DHX30: variants seen among roughly 807,000 people sequenced by gnomAD.
The protein encoded by DHX30 is ATP-dependent RNA helicase DHX30.
Under a neutral mutation model 116.9 loss-of-function variants are expected in DHX30, and 4 were observed. The observed-to-expected ratio is 0.03, with a 90% CI of 0.02 to 0.08. DHX30 has a LOEUF of 0.08. Ranked by LOEUF, DHX30 falls within the 10% of genes least tolerant of loss-of-function variation. The probability of loss-of-function intolerance (pLI) is 1.00; values close to 1 mark genes in which losing one functional copy is unlikely to be tolerated. For synonymous variants in DHX30, 697 were observed against 651.7 expected, an observed-to-expected ratio of 1.07 and a Z score of -1.06; for missense variants, 871 against 1,595.1, an observed-to-expected ratio of 0.55 and a Z score of 7.73.
intron 5 of DHX30, among the ~76,000 whole-genome samples, chr3:47,828,463 CA>C (rs541910100): frequency 0.13 from 6,627 of 52,220 alleles, 150 homozygotes; most frequent in Middle Eastern, 0.15. Flanking sequence ...CTGTCCCCCA[CA>C]AAAAAAAAAA....
At chr3:47,829,314 A>ATTTTTTT (rs10683438) in intron 6 of DHX30, among the ~76,000 whole-genome samples, 180 bp downstream of exon 6, 2 of 34,186 alleles carry the variant, frequency 5.9e-5, no homozygotes, top group African/African-American at 1.1e-4. Flanking sequence ...ATATATATAT[A>ATTTTTTT]TTTTTTTTTT....
intron 5 of DHX30, among the ~76,000 whole-genome samples, chr3:47,828,673 AG>A (rs1169115593): frequency 2.0e-5 from 3 of 151,744 alleles, no homozygotes; most frequent in Non-Finnish European, 4.4e-5. Flanking sequence ...TGGGAGGCTG[AG>A]GCAGGAGAAT....
intron 3 of DHX30, 96 bp downstream of exon 3, chr3:47,810,807 G>A: frequency 3.8e-6 from 5 of 1,301,698 alleles, no homozygotes; most frequent in Non-Finnish European, 5.5e-6. Context: ...TGTAGTTCTT[G>A]CACATTTCTT....
intron 2 of DHX30, among the ~76,000 whole-genome samples, chr3:47,808,482 C>T (rs968631040): frequency 3.3e-5 from 5 of 151,420 alleles, no homozygotes; most frequent in Admixed American, 6.6e-5. Flanking sequence ...CCTCCCAAAG[C>T]GCTGGGATTA....
intron 4 of DHX30, chr3:47,825,358 T>C (rs972758474): frequency 3.8e-6 from 2 of 528,072 alleles, no homozygotes; most frequent in African/African-American, 4.1e-5. Context: ...CTCTCTTCCA[T>C]AGTGGCCAAG....
rs774654802 is a variant in DHX30, at chr3:47,848,862, T to G, written c.2769+45T>G. 6.3e-7 allele frequency: 1 copy of G among 1,599,064 alleles called. No homozygotes were observed. Among genetic ancestry groups the G allele is most frequent in the Non-Finnish European group, 8.6e-7 (1 of 1,168,494 alleles). ...TGGAGCCGTCCACCCACTGCTGTTC[T>G]GAGGGGGCGTTGTCTAGCCCCTGCC... On this transcript the variant is annotated intron_variant, in intron 17 of 21. Transcript: ENST00000445061. The surrounding 1 kb of genome is among the most constrained non-coding windows in gnomAD (Gnocchi z 9.4).
At chr3:47,832,188 G>C (rs2036892503) in intron 6 of DHX30, among the ~76,000 whole-genome samples, 1 of 151,796 alleles carries the variant, frequency 6.6e-6, no homozygotes, top group African/African-American at 2.4e-5. Context: ...TGGGATTACA[G>C]ATGTGCGCTG....
chr3:47,827,541 C>T lies in DHX30; in HGVS notation c.255+64C>T, dbSNP rs542899447. 2.5e-5 allele frequency: 39 copies of T among 1,560,452 alleles called. No individual in the cohort carries two copies. In the South Asian group the frequency reaches 3.8e-4, roughly 15 times the overall value. On this transcript the variant is annotated intron_variant, in intron 5 of 21. Coordinates refer to ENST00000445061, the MANE Select transcript of DHX30 (RefSeq NM_138615.3). ...TCAGAAAGGAGGCTGTTTGTCCTTT[C>T]TGTCTTAGGTTTCTTTGTCAAGGAG... is the stretch of plus-strand genomic sequence containing the variant.
In DHX30 at chr3:47,848,206, A is replaced by G; in HGVS notation, c.2313A>G (p.Val771=). Residue 771 remains valine, a synonymous_variant, in exon 15 of 22, where the codon GTA becomes GTG. Coordinates refer to ENST00000445061, the MANE Select transcript of DHX30 (RefSeq NM_138615.3). The surrounding 1 kb of genome is among the most constrained non-coding windows in gnomAD (Gnocchi z 9.4). ...TGTCCTGCCTGGAGACAGTGTGGGT[A>G]TCAAGAGCCAATGTGATCCAGCGCC... The part of the protein sequence containing the change: ...TKVSCLETVW[V]SRANVIQRRG... The G allele has an allele frequency of 6.2e-7, 1 of 1,613,736 alleles. No individual in the cohort carries two copies. The highest frequency in any genetic ancestry group is 8.5e-7 in the Non-Finnish European group (1 of 1,180,030).
In DHX30 at chr3:47,843,088, C is replaced by T. The variant is rs371938147; in HGVS notation, c.790-18C>T. 2.7e-4 allele frequency: 431 copies of T among 1,613,520 alleles called. No homozygotes were observed. The highest frequency in any genetic ancestry group is 3.5e-4 in the Non-Finnish European group (407 of 1,179,624). On this transcript the variant is annotated intron_variant, in intron 8 of 21. Transcript: ENST00000445061. ...ATTCCCTACATTTCTGTAACCATCT[C>T]TCTTGCCTTCCATGTAGAACCTCAT...
intron 3 of DHX30, among the ~76,000 whole-genome samples, chr3:47,817,267 G>A (rs921783324): frequency 3.9e-5 from 6 of 152,126 alleles, no homozygotes; most frequent in African/African-American, 1.4e-4. Context: ...GGTTTAAAAG[G>A]ACCTTAAGCC....
At chr3:47,827,560 C>T in intron 5 of DHX30, 83 bp downstream of exon 5, 16 of 1,510,580 alleles carry the variant, frequency 1.1e-5, no homozygotes, top group Non-Finnish European at 1.3e-5. Context: ...GTTTCTTTGT[C>T]AAGGAGGCCA....
chr3:47,826,744 G>C (rs542354649), intron 4 of DHX30, among the ~76,000 whole-genome samples: 1 of 152,178 alleles, frequency 6.6e-6, no homozygotes, highest in South Asian at 2.1e-4. Context: ...GAGCCACCAC[G>C]CCCAGCCAGA....
chr3:47,850,080 C>G lies in DHX30; in HGVS notation c.3545C>G (p.Pro1182Arg). The G allele has an allele frequency of 6.3e-7, 1 of 1,596,488 alleles. No homozygotes were observed. The highest frequency in any genetic ancestry group is 1.1e-5 in the South Asian group (1 of 89,108). The change falls in exon 22 of 22, where the codon CCC becomes CGC. Residue 1182 changes from proline (P) to arginine (R), a missense_variant. Pro to Arg is a moderately radical substitution (Grantham distance 103, BLOSUM62 -2). Transcript: ENST00000445061. Reference sequence around the variant, plus strand: ...CTACTGGCAGAGCTGCTGCGAGGACCCTGTGGCAGCTTTGATGTGCGCAAG... The same window carrying G: ...CTACTGGCAGAGCTGCTGCGAGGACGCTGTGGCAGCTTTGATGTGCGCAAG... Reference protein sequence around the residue: ...LALLAELLRGPCGSFDVRKTA... With the variant: ...LALLAELLRGRCGSFDVRKTA...
rs1041793481 is a variant in DHX30, at chr3:47,849,640, C to T, written c.3202C>T (p.Arg1068Trp). The T allele has an allele frequency of 6.8e-6, 11 of 1,614,082 alleles. No individual in the cohort carries two copies. Among genetic ancestry groups the T allele is most frequent in the East Asian group, 2.2e-5 (1 of 44,906 alleles). ...HKSTINREAT[R>W]LRSRWLTYFM... ...CCCTGTGTTCCCTAGGGAGGCCACA[C>T]GGTTACGGAGCCGATGGCTGACGTA... The change falls in exon 21 of 22, where the codon CGG becomes TGG. Residue 1068 changes from arginine (R) to tryptophan (W), a missense_variant. Physicochemically the swap from Arg to Trp is moderately radical, Grantham distance 101. Transcript: ENST00000445061.
intron 3 of DHX30, among the ~76,000 whole-genome samples, chr3:47,811,890 C>T (rs1048542749): frequency 3.3e-5 from 5 of 151,876 alleles, no homozygotes; most frequent in African/African-American, 1.2e-4. Flanking sequence ...ACAGTGAAAC[C>T]CCATCTCTAC....
Position 47,848,656 on chromosome 3 carries a change from C to T in DHX30, c.2608C>T (p.Leu870=). The T allele has an allele frequency of 4.3e-6, 7 of 1,614,108 alleles. No individual in the cohort carries two copies. Among genetic ancestry groups the T allele is most frequent in the Non-Finnish European group, 5.9e-6 (7 of 1,179,992 alleles). The change falls in exon 17 of 22, where the codon CTG becomes TTG. Residue 870 remains leucine (L), a synonymous_variant. Transcript: ENST00000445061. This position sits in a 1 kb window ranked among gnomAD's most constrained non-coding sequence, Gnocchi z 9.4. The part of the protein sequence containing the change: ...VLDQREYLTT[L]GQRLAHISTD... The stretch of plus-strand genomic sequence containing the variant: ...GGACCAGCGGGAGTACCTGACTACC[C>T]TGGGGCAGCGCCTGGCTCACATCTC...
In DHX30 at chr3:47,848,421, C is replaced by T. The variant is rs182034318; in HGVS notation, c.2493+35C>T. The T allele has an allele frequency of 5.0e-6, 8 of 1,613,544 alleles. No individual in the cohort carries two copies. The Admixed American group carries it at 8.3e-5, about 17-fold the overall frequency. On this transcript the variant is annotated intron_variant, in intron 15 of 21. Transcript: ENST00000445061. This position sits in a 1 kb window ranked among gnomAD's most constrained non-coding sequence, Gnocchi z 9.4. Reference sequence around the variant, plus strand: ...GGCGGGGCAGGGGCTGGCCTGGGGACCAGGCAGGTGGGAGGCAGGCTCATG... The same window carrying T: ...GGCGGGGCAGGGGCTGGCCTGGGGATCAGGCAGGTGGGAGGCAGGCTCATG...
chr3:47,805,668 A>G (rs1033408187), intron 2 of DHX30, among the ~76,000 whole-genome samples: 7 of 151,584 alleles, frequency 4.6e-5, no homozygotes, highest in African/African-American at 9.7e-5. Context: ...CCTCCCAAGT[A>G]GCTGAGATTA....
Sources: gnomAD v4.1 joint callset for allele counts (sites outside exome capture counted in the v4.1 genomes callset) on GRCh38, gnomAD v4.1.1 for gene constraint, Gnocchi (gnomAD v3.1) non-coding constraint, MANE v1.5 for transcripts, NCBI Gene and HGNC (gene_info 2026-07-23, HGNC 2026-07-21) for gene names.